GBF1: variants seen among roughly 807,000 people sequenced by gnomAD.
The protein encoded by GBF1 is Golgi-specific brefeldin A-resistance guanine nucleotide exchange factor 1.
In GBF1, 114 loss-of-function variants were observed where a neutral mutation model predicts 210.5. The ratio of observed to expected loss-of-function variants is 0.54; its 90% CI spans 0.47 to 0.63. The LOEUF (loss-of-function observed/expected upper bound fraction) is 0.63. GBF1 is among the 30% of genes least tolerant of loss of function. The pLI, the probability that GBF1 is intolerant of heterozygous loss-of-function variation, is 0.00. For synonymous variants in GBF1, 850 were observed against 889.2 expected (o/e 0.96, Z 0.78); for missense variants, 1,851 against 2,357.7 (o/e 0.79, Z 4.45).
At chr10:102,322,416 A>T (rs1278052091) in intron 3 of GBF1, among the ~76,000 whole-genome samples, 1 of 152,116 alleles carries the variant, frequency 6.6e-6, no homozygotes, top group Non-Finnish European at 1.5e-5. Flanking sequence ...TTCTTTCCCC[A>T]GTTTATGTCC....
chr10:102,355,638 A>T (rs3802678), intron 8 of GBF1, among the ~76,000 whole-genome samples: 31,881 of 152,220 alleles, frequency 0.21, 3,566 homozygotes, highest in South Asian at 0.32. Context: ...AAGATAGAGA[A>T]GGAAACGTGA....
chr10:102,363,946 C>A lies in GBF1; in HGVS notation c.2106+148C>A, dbSNP rs1199069063. On this transcript the variant is annotated intron_variant, in intron 17 of 39. Transcript: ENST00000369983. This position sits in a 1 kb window ranked among gnomAD's most constrained non-coding sequence, Gnocchi z 4.2. ...TTTGGGCTTGTTGGGACTTCAGCAA[C>A]TCCCATTTGAAGCCCTTCCCTTACT... 11 of 594,280 alleles carry A rather than the reference C, an allele frequency of 1.9e-5. No homozygotes were observed. The East Asian group carries it at 2.6e-4, about 14-fold the overall frequency. 36.8% of individuals were successfully genotyped at this position (594,280 alleles called of 1,614,324 possible).
At chr10:102,262,707 T>C (rs926932420) in intron 3 of GBF1, among the ~76,000 whole-genome samples, 2 of 152,222 alleles carry the variant, frequency 1.3e-5, no homozygotes, top group African/African-American at 2.4e-5. Context: ...CATGCTAACA[T>C]GTCCCAAGAT....
chr10:102,331,292 A>G (rs1198680229), intron 3 of GBF1, among the ~76,000 whole-genome samples: 1 of 152,082 alleles, frequency 6.6e-6, no homozygotes, highest in South Asian at 2.1e-4. Flanking sequence ...TTCTTACATA[A>G]TCTCTGGGTT....
intron 3 of GBF1, among the ~76,000 whole-genome samples, chr10:102,276,125 T>TC (rs2074939515): frequency 6.6e-6 from 1 of 151,996 alleles, no homozygotes; most frequent in Non-Finnish European, 1.5e-5. Flanking sequence ...TAATCCCAGC[T>TC]ACTGGGGAGG....
chr10:102,340,598 A>G (rs2058116678), intron 3 of GBF1, among the ~76,000 whole-genome samples: 2 of 151,100 alleles, frequency 1.3e-5, no homozygotes, highest in African/African-American at 2.4e-5. Context: ...TTCTGTAGAG[A>G]TGATCTCACT....
In GBF1 at chr10:102,382,500, AC is replaced by A. The variant is rs1453517775; in HGVS notation, c.*169del. The A allele has an allele frequency of 5.1e-6, 3 of 590,426 alleles. No individual in the cohort carries two copies. Among genetic ancestry groups the A allele is most frequent in the Non-Finnish European group, 8.7e-6 (3 of 345,042 alleles). The allele number at this position is 590,426 out of a possible 1,614,324, so 36.6% of individuals were successfully genotyped here. A position where few individuals can be genotyped will look rare whatever the true frequency, so the allele number is the denominator to read the frequency against. On this transcript the variant is annotated 3_prime_UTR_variant, in exon 40 of 40. Transcript: ENST00000369983. ...GAGAATGTTGATAGCCCCAGCTAAG[AC>A]CCCCAATCAGCTGTGGGACCTTTTT...
chr10:102,272,731 A>G (rs895642092), intron 3 of GBF1, among the ~76,000 whole-genome samples: 1 of 152,252 alleles, frequency 6.6e-6, no homozygotes, highest in Non-Finnish European at 1.5e-5. Flanking sequence ...CTAAAAAGGC[A>G]GGATAAATGC....
In GBF1 at chr10:102,363,550, C is replaced by T. The variant is rs541981720; in HGVS notation, c.2017+154C>T. Among the ~76,000 whole-genome samples, 7 of 152,118 alleles carry T rather than the reference C, an allele frequency of 4.6e-5. No individual in the cohort carries two copies. In the South Asian group the frequency reaches 8.3e-4, roughly 18 times the overall value. On this transcript the variant is annotated intron_variant, in intron 16 of 39. Transcript: ENST00000369983. The surrounding 1 kb of genome is among the most constrained non-coding windows in gnomAD (Gnocchi z 4.2). ...AGAGAGGGAAGCAAACATATGGACCCTCAGTTGATAGGACTTCCAGGGAAG... is the reference window on the plus strand; with the variant it reads ...AGAGAGGGAAGCAAACATATGGACCTTCAGTTGATAGGACTTCCAGGGAAG...
At chr10:102,369,815 A>G in intron 25 of GBF1, 40 bp downstream of exon 25, 1 of 1,614,078 alleles carries the variant, frequency 6.2e-7, no homozygotes, top group Admixed American at 1.7e-5. Flanking sequence ...GGGGAGGGAG[A>G]GTCAGAACTT....
Position 102,344,006 on chromosome 10 carries a change from T to C in GBF1, c.164-45T>C, listed in dbSNP as rs2058367159. On this transcript the variant is annotated intron_variant, in intron 3 of 39. Coordinates refer to ENST00000369983, the MANE Select transcript of GBF1 (RefSeq NM_001377137.1). ...CAAGAAACTTTTTCCAGGGTTTAGT[T>C]TTCTCTTAGATGATACCTCTTCATT... The C allele has an allele frequency of 3.8e-6, 6 of 1,579,956 alleles. No homozygotes were observed. In the East Asian group the frequency reaches 1.3e-4, roughly 35 times the overall value.
rs569201380 is a variant in GBF1, at chr10:102,360,760, G to A, written c.1393-262G>A. Among the ~76,000 whole-genome samples, 12 of 152,210 alleles carry A rather than the reference G, an allele frequency of 7.9e-5. No individual in the cohort carries two copies. In the South Asian group the frequency reaches 1.5e-3, roughly 18 times the overall value. Reference sequence around the variant, plus strand: ...TGGGAGGCCAAGGCGGGCGGATCACGAGGTCAGGAGATTGAGACCAGCCTG... The same window carrying A: ...TGGGAGGCCAAGGCGGGCGGATCACAAGGTCAGGAGATTGAGACCAGCCTG... On this transcript the variant is annotated intron_variant, in intron 12 of 39. Coordinates refer to ENST00000369983, the MANE Select transcript of GBF1 (RefSeq NM_001377137.1).
At chr10:102,267,760 C>G (rs1037833263) in intron 3 of GBF1, among the ~76,000 whole-genome samples, 4 of 152,132 alleles carry the variant, frequency 2.6e-5, no homozygotes, top group African/African-American at 9.7e-5. Flanking sequence ...TAAAATTTGG[C>G]AGACAAATTT....
chr10:102,278,889 T>G (rs1241403253), intron 3 of GBF1, among the ~76,000 whole-genome samples: 2 of 152,190 alleles, frequency 1.3e-5, no homozygotes, highest in East Asian at 3.9e-4. Flanking sequence ...TCTGGTCAAG[T>G]GTTAATCTGA....
intron 3 of GBF1, among the ~76,000 whole-genome samples, chr10:102,322,375 C>T (rs2056480043): frequency 6.6e-6 from 1 of 152,180 alleles, no homozygotes; most frequent in Non-Finnish European, 1.5e-5. Flanking sequence ...GTCAAGACTT[C>T]TCTGGTGACC....
the GBF1 span, among the ~76,000 whole-genome samples, chr10:102,232,874 C>T: frequency 1.3e-5 from 2 of 152,164 alleles, no homozygotes; most frequent in Admixed American, 1.3e-4. Flanking sequence ...GTATTTTGAA[C>T]CAGACCTGAT....
intron 6 of GBF1, 60 bp from the exon 7 acceptor site, chr10:102,352,398 C>T (rs1565146729): frequency 1.7e-6 from 2 of 1,147,208 alleles, no homozygotes; most frequent in Admixed American, 1.7e-5. Context: ...GCTCTGAGAA[C>T]CCTCTTGATA....
At chr10:102,327,222 A>G (rs2056970923) in intron 3 of GBF1, among the ~76,000 whole-genome samples, 1 of 152,180 alleles carries the variant, frequency 6.6e-6, no homozygotes. Context: ...GTGCTCTGGC[A>G]GCAGGGATCC....
Position 102,369,949 on chromosome 10 carries a change from C to G in GBF1, c.3304C>G (p.Gln1102Glu), listed in dbSNP as rs548665033. ...TGTTCGGGGCCCATCCACTGAAAAC[C>G]AAGAGGCCAAGAGAGTGGCCTTAGA... ...SSVRGPSTEN[Q>E]EAKRVALECI... Residue 1102 changes from glutamine (Q) to glutamate (E), a missense_variant, in exon 26 of 40, where the codon CAA becomes GAA. By Grantham distance (29) the Gln-to-Glu change is conservative. This residue lies in a region of GBF1 where 967 missense variants were observed against 1,247.7 expected (regional missense o/e 0.78). Transcript: ENST00000369983. 1.2e-6 allele frequency: 2 copies of G among 1,614,112 alleles called. No homozygotes were observed. Among genetic ancestry groups the G allele is most frequent in the Non-Finnish European group, 1.7e-6 (2 of 1,179,996 alleles).
Sources: allele counts gnomAD v4.1 joint callset (sites outside exome capture counted in the v4.1 genomes callset), GRCh38; gene constraint gnomAD v4.1.1; regional missense constraint gnomAD v4.1.1; non-coding constraint Gnocchi (gnomAD v3.1); transcripts MANE v1.5; gene names NCBI Gene and HGNC (gene_info 2026-07-23, HGNC 2026-07-21).